The following COPS7B variants were observed in gnomAD, a reference collection of about 807,000 sequenced individuals.
COPS7B encodes the protein COP9 signalosome subunit 7B.
COPS7B carries 9 observed loss-of-function variants against 33.4 expected under a neutral mutation model. The ratio of observed to expected loss-of-function variants is 0.27; its 90% CI spans 0.16 to 0.47. The LOEUF (loss-of-function observed/expected upper bound fraction) is 0.47. COPS7B is among the 20% of genes least tolerant of loss of function. The pLI, the probability that COPS7B is intolerant of heterozygous loss-of-function variation, is 0.99. For synonymous variants in COPS7B, 119 were observed against 126.3 expected (o/e 0.94, Z 0.39); for missense variants, 242 against 318.2 (o/e 0.76, Z 1.82).
At chr2:231,785,442 C>T (rs1052937073), upstream of COPS7B, among the ~76,000 whole-genome samples, 6 of 152,230 alleles carry the variant, frequency 3.9e-5, no homozygotes, top group East Asian at 1.2e-3. Flanking sequence ...CCCCTTTTTT[C>T]CCCTTTTTGT....
At chr2:231,781,815 C>T, upstream of COPS7B, 10 of 1,550,606 alleles carry the variant, frequency 6.4e-6, no homozygotes, top group Non-Finnish European at 8.7e-6. Flanking sequence ...TTCTCACCCT[C>T]AAAAGAAGAT....
intron 6 of COPS7B, among the ~76,000 whole-genome samples, chr2:231,799,972 G>A (rs906864744): frequency 1.3e-5 from 2 of 152,172 alleles, no homozygotes; most frequent in African/African-American, 2.4e-5. Context: ...GTACTCAAAT[G>A]TTGAACTGAA....
chr2:231,788,240 A>G (rs2049309947), intron 1 of COPS7B, among the ~76,000 whole-genome samples: 1 of 150,868 alleles, frequency 6.6e-6, no homozygotes, highest in Non-Finnish European at 1.5e-5. Context: ...GGGTTCAAGC[A>G]ATTCTTGTGC....
intron 4 of COPS7B, 88 bp from the exon 5 acceptor site, chr2:231,796,018 G>T: frequency 9.2e-7 from 1 of 1,085,726 alleles, no homozygotes; most frequent in Non-Finnish European, 1.4e-6. Flanking sequence ...CGAGCCTAGA[G>T]GCAGCTGTTG....
intron 5 of COPS7B, among the ~76,000 whole-genome samples, chr2:231,797,607 G>A (rs2049609486): frequency 6.6e-6 from 1 of 152,116 alleles, no homozygotes; most frequent in Non-Finnish European, 1.5e-5. Flanking sequence ...TGGTTACCAT[G>A]GGATGTTTAC....
At chr2:231,801,229 C>G (rs1221712511) in intron 6 of COPS7B, 7 of 1,550,078 alleles carry the variant, frequency 4.5e-6, no homozygotes, top group Non-Finnish European at 6.1e-6. Context: ...CTTTAAGAGC[C>G]CTCCTTCTTA....
chr2:231,793,272 C>T (rs1335236319), intron 3 of COPS7B, among the ~76,000 whole-genome samples: 1 of 152,146 alleles, frequency 6.6e-6, no homozygotes, highest in African/African-American at 2.4e-5. Context: ...GTAACACTCC[C>T]AGAGGAATGT....
At chr2:231,806,615 A>G (rs182772478) in intron 6 of COPS7B, among the ~76,000 whole-genome samples, 82 of 151,916 alleles carry the variant, frequency 5.4e-4, no homozygotes, top group Admixed American at 2.4e-3. Flanking sequence ...GTTCTTCCCT[A>G]CCACCACCAT....
chr2:231,786,629 G>A, intron 1 of COPS7B, 91 bp downstream of exon 1: 1 of 593,394 alleles, frequency 1.7e-6, no homozygotes, highest in Non-Finnish European at 2.1e-6. Context: ...AAGGAAGCCC[G>A]CGGCCGTGCC....
At chr2:231,781,837 G>C (rs1319781778), upstream of COPS7B, 2 of 1,550,808 alleles carry the variant, frequency 1.3e-6, no homozygotes, top group Non-Finnish European at 1.7e-6. Flanking sequence ...ACAGCCCGCA[G>C]AGAGTTAACT....
At position 231,807,607 on chromosome 2, in the gene COPS7B, A is replaced by T; in HGVS notation, c.757A>T (p.Met253Leu). ...TGAGCAGAGGCAGCCCACCAAGAAG[A>T]TGTCCAAAGTGAAAGGTCTGGTCTC... ...HAEQRQPTKK[M>L]SKVKGLVSSR... The change falls in exon 7 of 7, where the codon ATG becomes TTG. Residue 253 changes from methionine (M) to leucine (L), a missense_variant. Coordinates refer to ENST00000350033, the MANE Select transcript of COPS7B (RefSeq NM_022730.4). The T allele has an allele frequency of 6.4e-7, 1 of 1,574,118 alleles. No individual in the cohort carries two copies. Among genetic ancestry groups the T allele is most frequent in the Middle Eastern group, 1.7e-4 (1 of 6,006 alleles).
At chr2:231,787,614 TGTC>T (rs745724403) in intron 1 of COPS7B, among the ~76,000 whole-genome samples, 8 of 152,080 alleles carry the variant, frequency 5.3e-5, no homozygotes, top group Non-Finnish European at 8.8e-5. Flanking sequence ...TTGGTTAAAA[TGTC>T]GTATCAGGAG....
intron 5 of COPS7B, among the ~76,000 whole-genome samples, chr2:231,796,674 GTGTT>G (rs2049581048): frequency 6.6e-6 from 1 of 152,208 alleles, no homozygotes; most frequent in Non-Finnish European, 1.5e-5. Context: ...AGGAAGGCTA[GTGTT>G]TGTAAGATTC....
At chr2:231,797,515 G>A (rs1337910094) in intron 5 of COPS7B, among the ~76,000 whole-genome samples, 19 of 152,206 alleles carry the variant, frequency 1.2e-4, no homozygotes, top group Admixed American at 1.2e-3. Flanking sequence ...TTTTGAGATG[G>A]CTGACACAGC....
At chr2:231,801,558 C>T (rs542720508) in intron 6 of COPS7B, among the ~76,000 whole-genome samples, 11 of 152,174 alleles carry the variant, frequency 7.2e-5, no homozygotes, top group East Asian at 3.9e-4. Context: ...CTTTCCACCT[C>T]GGCCTCCCAA....
chr2:231,786,391 G>C, upstream of COPS7B: 1 of 957,800 alleles, frequency 1.0e-6, no homozygotes, highest in Non-Finnish European at 1.2e-6. Flanking sequence ...GCAGCGGTGG[G>C]AGGCTTCCGG....
At chr2:231,784,376 G>A (rs139517079), upstream of COPS7B, among the ~76,000 whole-genome samples, 1 of 152,138 alleles carries the variant, frequency 6.6e-6, no homozygotes, top group Non-Finnish European at 1.5e-5. Flanking sequence ...TAGCTACTTG[G>A]GAGGTGGAGG....
At chr2:231,793,444 T>C (rs1247707752) in intron 3 of COPS7B, 1 of 152,352 alleles carries the variant, frequency 6.6e-6, no homozygotes, top group African/African-American at 2.4e-5. Context: ...CGGGTTGTTG[T>C]GAAGATGAAC....
In COPS7B at chr2:231,798,817, C is replaced by G. The variant is rs201495189; in HGVS notation, c.531-42C>G. On this transcript the variant is annotated intron_variant, in intron 5 of 6. Coordinates refer to ENST00000350033, the MANE Select transcript of COPS7B (RefSeq NM_022730.4). ...TATTTCTGAGCCTGGAAGAGACTTCCCAGGCCATTCTGCAGCTCAGGGCTG... is the reference window on the plus strand; with the variant it reads ...TATTTCTGAGCCTGGAAGAGACTTCGCAGGCCATTCTGCAGCTCAGGGCTG... 1.8e-5 allele frequency: 28 copies of G among 1,548,716 alleles called. No homozygotes were observed. The East Asian group carries it at 5.4e-4, about 30-fold the overall frequency.
Sources: allele counts gnomAD v4.1 joint callset (sites outside exome capture counted in the v4.1 genomes callset), GRCh38; gene constraint gnomAD v4.1.1; transcripts MANE v1.5; gene names NCBI Gene and HGNC (gene_info 2026-07-23, HGNC 2026-07-21).